The following NPSR1 variants were observed in gnomAD, a reference collection of about 807,000 sequenced individuals.
NPSR1 encodes neuropeptide S receptor 1.
NPSR1 carries 48 observed loss-of-function variants against 46.9 expected under a neutral mutation model. The ratio of observed to expected loss-of-function variants is 1.02; its 90% CI spans 0.81 to 1.30. The LOEUF (loss-of-function observed/expected upper bound fraction) is 1.30, where lower values mean the gene tolerates loss of function less well. Among genes scored for constraint, NPSR1 ranks in the 50% most tolerant of loss-of-function variants. The pLI, the probability that NPSR1 is intolerant of heterozygous loss-of-function variation, is 0.00. For synonymous variants in NPSR1, 176 were observed against 168.1 expected, an observed-to-expected ratio of 1.05 and a Z score of -0.36; for missense variants, 450 against 449.5, an observed-to-expected ratio of 1.00 and a Z score of -0.01.
At chr7:34,822,681 G>A (rs577069854) in intron 4 of NPSR1, among the ~76,000 whole-genome samples, 1 of 152,170 alleles carries the variant, frequency 6.6e-6, no homozygotes, top group South Asian at 2.1e-4. Context: ...ATTAGTATAC[G>A]GTGTTGAAAT....
intron 8 of NPSR1, among the ~76,000 whole-genome samples, chr7:34,876,956 C>G (rs1015344551): frequency 2.0e-4 from 30 of 152,288 alleles, no homozygotes; most frequent in African/African-American, 7.0e-4. Context: ...CTGGGAGTCA[C>G]GGCTGCAGGT....
chr7:34,701,300 T>C (rs1365588154), intron 2 of NPSR1, among the ~76,000 whole-genome samples: 5 of 152,200 alleles, frequency 3.3e-5, no homozygotes, highest in Non-Finnish European at 5.9e-5. Flanking sequence ...GTTTTATTAA[T>C]CAGCAAAGAT....
intron 1 of NPSR1, among the ~76,000 whole-genome samples, chr7:34,663,239 C>A (rs1319922934): frequency 1.3e-5 from 2 of 152,020 alleles, no homozygotes; most frequent in Non-Finnish European, 2.9e-5. Flanking sequence ...GGGTTCCCAT[C>A]CGACCTGTGT....
intron 1 of NPSR1, among the ~76,000 whole-genome samples, chr7:34,671,628 A>G (rs910338369): frequency 5.9e-5 from 9 of 152,112 alleles, no homozygotes; most frequent in African/African-American, 2.2e-4. Context: ...AGCCTTTTAC[A>G]TTTTGCTACC....
At chr7:34,704,401 C>A (rs1046557625) in intron 2 of NPSR1, among the ~76,000 whole-genome samples, 1 of 152,066 alleles carries the variant, frequency 6.6e-6, no homozygotes, top group African/African-American at 2.4e-5. Flanking sequence ...TCTACGTGAC[C>A]ATTTCTTTAA....
intron 1 of NPSR1, among the ~76,000 whole-genome samples, chr7:34,671,904 G>A (rs1443978623): frequency 6.6e-6 from 1 of 152,134 alleles, no homozygotes; most frequent in Non-Finnish European, 1.5e-5. Context: ...GGCCCTCCAG[G>A]GGAAAGTTTC....
At chr7:34,659,221 C>T (rs1791336221) in intron 1 of NPSR1, among the ~76,000 whole-genome samples, 1 of 152,168 alleles carries the variant, frequency 6.6e-6, no homozygotes. Flanking sequence ...GTTTCTTATT[C>T]CGCAACAAGA....
chr7:34,711,148 G>A (rs1783263349), intron 2 of NPSR1: 2 of 271,104 alleles, frequency 7.4e-6, no homozygotes, highest in East Asian at 1.0e-4. Context: ...TTAGCATGCT[G>A]AGGATTGTAG....
At chr7:34,747,259 C>A (rs1369067742) in intron 2 of NPSR1, among the ~76,000 whole-genome samples, 2 of 152,122 alleles carry the variant, frequency 1.3e-5, no homozygotes, top group Non-Finnish European at 2.9e-5. Flanking sequence ...CATCTGTAAC[C>A]CACCCTACCC....
At chr7:34,790,694 ATATATGT>A (rs985301762) in intron 3 of NPSR1, among the ~76,000 whole-genome samples, 33 of 115,246 alleles carry the variant, frequency 2.9e-4, no homozygotes, top group Admixed American at 9.4e-5. Context: ...GTTATATATA[ATATATGT>A]TCTATGTTAT....
At chr7:34,785,855 C>T (rs1282781218) in intron 3 of NPSR1, among the ~76,000 whole-genome samples, 2 of 151,992 alleles carry the variant, frequency 1.3e-5, no homozygotes, top group African/African-American at 4.8e-5. Flanking sequence ...AAAAAGTATA[C>T]ATGTTAATTT....
intron 3 of NPSR1, among the ~76,000 whole-genome samples, chr7:34,804,088 A>C (rs1278224224): frequency 6.6e-6 from 1 of 152,122 alleles, no homozygotes; most frequent in African/African-American, 2.4e-5. Flanking sequence ...AAATGGTAAC[A>C]ATTATCTGCA....
intron 2 of NPSR1, 60 bp downstream of exon 2, chr7:34,684,744 C>A: frequency 3.0e-6 from 4 of 1,325,862 alleles, no homozygotes; most frequent in South Asian, 1.9e-5. Context: ...TGGCTTCCTG[C>A]TTTTAATGAA....
At chr7:34,661,249 G>A (rs1291134172) in intron 1 of NPSR1, among the ~76,000 whole-genome samples, 3 of 152,126 alleles carry the variant, frequency 2.0e-5, no homozygotes, top group Non-Finnish European at 1.5e-5. Context: ...CTTTCTGCAA[G>A]CATGTTCAGC....
At position 34,704,657 on chromosome 7, in the gene NPSR1, G is replaced by A. The variant is rs10242733; in HGVS notation, c.280+19973G>A. 1.5e-3 allele frequency among the ~76,000 whole-genome samples: 228 copies of A among 152,300 alleles called. 2 individuals carry two copies. The highest frequency in any genetic ancestry group is 5.2e-3 in the African/African-American group (218 of 41,556). On this transcript the variant is annotated intron_variant, in intron 2 of 8. Transcript: ENST00000360581. ...TTTGGGAGTCAGCCCACAGTTTCTTGTGTTGACAGAGACTCAAAAGGCTGA... is the reference window on the plus strand; with the variant it reads ...TTTGGGAGTCAGCCCACAGTTTCTTATGTTGACAGAGACTCAAAAGGCTGA...
chr7:34,680,992 T>C (rs1583795287), intron 1 of NPSR1, among the ~76,000 whole-genome samples: 1 of 152,052 alleles, frequency 6.6e-6, no homozygotes, highest in African/African-American at 2.4e-5. Flanking sequence ...TTTTACTCTA[T>C]GATTACTAAG....
chr7:34,722,494 T>C (rs1583880739), intron 2 of NPSR1, among the ~76,000 whole-genome samples: 1 of 152,232 alleles, frequency 6.6e-6, no homozygotes, highest in Non-Finnish European at 1.5e-5. Context: ...CTGTTTTATA[T>C]TGATTTGTTT....
intron 3 of NPSR1, among the ~76,000 whole-genome samples, chr7:34,781,452 G>T (rs1282239430): frequency 1.3e-5 from 2 of 152,170 alleles, no homozygotes; most frequent in Non-Finnish European, 2.9e-5. Context: ...AGAATTGCTG[G>T]TGTGATTGGC....
At position 34,855,510 on chromosome 7, in the gene NPSR1, A is replaced by G. The variant is rs534213236; in HGVS notation, c.1025+6847A>G. 8.5e-5 allele frequency among the ~76,000 whole-genome samples: 13 copies of G among 152,286 alleles called. No homozygotes were observed. In the South Asian group the frequency reaches 2.7e-3, roughly 32 times the overall value. ...TGAAAATATAGATGAATGGGAAAACATATAATTGACCCAAGAAGAAACAAA... is the reference window on the plus strand; with the variant it reads ...TGAAAATATAGATGAATGGGAAAACGTATAATTGACCCAAGAAGAAACAAA... On this transcript the variant is annotated intron_variant, in intron 8 of 8. Transcript: ENST00000359791.
Sources: gnomAD v4.1 joint callset for allele counts (sites outside exome capture counted in the v4.1 genomes callset) on GRCh38, gnomAD v4.1.1 for gene constraint, MANE v1.5 for transcripts, NCBI Gene and HGNC (gene_info 2026-07-23, HGNC 2026-07-21) for gene names.